Variants in AMER3 observed in about 807,000 individuals in gnomAD.
AMER3 encodes the protein family with sequence similarity 123C.
For missense variants in AMER3, 1,201 were observed against 1,139.4 expected, an observed-to-expected ratio of 1.05 and a Z score of -0.78; for synonymous variants, 541 against 485.5, an observed-to-expected ratio of 1.11 and a Z score of -1.50.
At position 130,763,068 on chromosome 2, in the gene AMER3, C is replaced by G; in HGVS notation, c.996C>G (p.Pro332=). The change falls in exon 2 of 2, where the codon CCC becomes CCG. Residue 332 remains proline (P), a synonymous_variant. Transcript: ENST00000321420. ...RALLGPWLSG[P]QGTDRDQSRL... Reference sequence around the variant, plus strand: ...TCCTAGGCCCGTGGCTTTCAGGCCCCCAGGGGACAGACAGGGACCAATCCC... The same window carrying G: ...TCCTAGGCCCGTGGCTTTCAGGCCCGCAGGGGACAGACAGGGACCAATCCC... 1 of 1,613,430 alleles carries G rather than the reference C, an allele frequency of 6.2e-7. No individual in the cohort carries two copies. Among genetic ancestry groups the G allele is most frequent in the Non-Finnish European group, 8.5e-7 (1 of 1,180,002 alleles).
At chr2:130,758,134 A>AAAAAC (rs1291246496) in intron 1 of AMER3, among the ~76,000 whole-genome samples, 3 of 151,712 alleles carry the variant, frequency 2.0e-5, no homozygotes, top group Non-Finnish European at 4.4e-5. Context: ...ATTCCATCAA[A>AAAAAC]AAAACAAAAC....
In AMER3 at chr2:130,764,235, G is replaced by A. The variant is rs751542082; in HGVS notation, c.2163G>A (p.Gln721=). The change falls in exon 2 of 2, where the codon CAG becomes CAA. Residue 721 remains glutamine (Q), a synonymous_variant. Coordinates refer to ENST00000321420, the MANE Select transcript of AMER3 (RefSeq NM_152698.3). ...ARGPDMLEQK[Q]SSSSPSMTTI... Reference sequence around the variant, plus strand: ...GCCCTGACATGCTGGAGCAGAAACAGTCCAGCAGCTCCCCCAGCATGACCA... The same window carrying A: ...GCCCTGACATGCTGGAGCAGAAACAATCCAGCAGCTCCCCCAGCATGACCA... The A allele has an allele frequency of 9.3e-6, 15 of 1,610,314 alleles. No homozygotes were observed. The highest frequency in any genetic ancestry group is 1.2e-5 in the Non-Finnish European group (14 of 1,178,316).
chr2:130,764,666 T>A lies in AMER3; in HGVS notation c.*8T>A, dbSNP rs1393721427. The A allele has an allele frequency of 1.9e-6, 3 of 1,589,874 alleles. No individual in the cohort carries two copies. Among genetic ancestry groups the A allele is most frequent in the Admixed American group, 3.6e-5 (2 of 55,486 alleles). The stretch of plus-strand genomic sequence containing the variant: ...GCTGAGCCCCATCTGTAGGACAGGC[T>A]CACATGCACCAGGAACTGCATGTGT... On this transcript the variant is annotated 3_prime_UTR_variant, in exon 2 of 2. Transcript: ENST00000321420.
chr2:130,759,514 G>C (rs773392735), intron 1 of AMER3, among the ~76,000 whole-genome samples: 1 of 152,134 alleles, frequency 6.6e-6, no homozygotes, highest in Non-Finnish European at 1.5e-5. Context: ...ACATAGAAAA[G>C]AATAAGGGAA....
chr2:130,758,248 C>G (rs543093874), intron 1 of AMER3, among the ~76,000 whole-genome samples: 1 of 152,168 alleles, frequency 6.6e-6, no homozygotes, highest in South Asian at 2.1e-4. Flanking sequence ...CCTGTAGTCC[C>G]AGCTATTCAG....
rs796447015 is a variant in AMER3 at position 130,767,059 on chromosome 2, G to C, written c.*2401G>C. ...CGCCATTCCCCTTCAGGAAAACTTC[G>C]AATGGGGCTGTGGACCTCACTCCCC... On this transcript the variant is annotated 3_prime_UTR_variant, in exon 2 of 2. Transcript: ENST00000321420. 4 of 167,034 alleles carry C rather than the reference G, an allele frequency of 2.4e-5. No homozygotes were observed. Among genetic ancestry groups the C allele is most frequent in the Non-Finnish European group, 4.4e-5 (3 of 68,148 alleles). 10.3% of individuals were successfully genotyped at this position (167,034 alleles called of 1,614,324 possible).
chr2:130,755,545 A>T lies in AMER3; in HGVS notation c.-149A>T, dbSNP rs1574037093. The T allele has an allele frequency of 1.3e-5, 2 of 148,152 alleles. No homozygotes were observed. Among genetic ancestry groups the T allele is most frequent in the East Asian group, 4.0e-4 (2 of 5,016 alleles). The allele number at this position is 148,152 out of a possible 1,614,324, so 9.2% of individuals were successfully genotyped here. A position where few individuals can be genotyped will look rare whatever the true frequency, so the allele number is the denominator to read the frequency against. ...GAGCCTTCCTGGAGTTACTTAATCCACCCCAGCCCCAGGCACTGAACCACG... is the reference window on the plus strand; with the variant it reads ...GAGCCTTCCTGGAGTTACTTAATCCTCCCCAGCCCCAGGCACTGAACCACG... On this transcript the variant is annotated 5_prime_UTR_variant, in exon 1 of 2. Coordinates refer to ENST00000321420, the MANE Select transcript of AMER3 (RefSeq NM_152698.3).
At position 130,764,762 on chromosome 2, in the gene AMER3, TGGGGGTG is replaced by T; in HGVS notation, c.*113_*119del. The T allele has an allele frequency of 1.8e-6, 2 of 1,121,224 alleles. No individual in the cohort carries two copies. Among genetic ancestry groups the T allele is most frequent in the East Asian group, 3.1e-5 (1 of 32,260 alleles). The allele number at this position is 1,121,224 out of a possible 1,614,324, so 69.5% of individuals were successfully genotyped here. On this transcript the variant is annotated 3_prime_UTR_variant, in exon 2 of 2. Coordinates refer to ENST00000321420, the MANE Select transcript of AMER3 (RefSeq NM_152698.3). ...TTTGTCCCTGATGTGGGGACTGTGT[TGGGGGTG>T]GGGGGTGGCAGGACTCAGGCATGCA...
rs768616686 is a variant in AMER3 at position 130,764,629 on chromosome 2, G to A, written c.2557G>A (p.Gly853Arg). The change falls in exon 2 of 2, where the codon GGG becomes AGG. Residue 853 changes from glycine (G) to arginine (R), a missense_variant. Physicochemically the swap from Gly to Arg is moderately radical, Grantham distance 125. Coordinates refer to ENST00000321420, the MANE Select transcript of AMER3 (RefSeq NM_152698.3). Reference sequence around the variant, plus strand: ...TGGCCAGCCAGAAGTGGGGGCCTCTGGGCCAGCCATGGCTGAGCCCCATCT... The same window carrying A: ...TGGCCAGCCAGAAGTGGGGGCCTCTAGGCCAGCCATGGCTGAGCCCCATCT... ...LCGQPEVGAS[G>R]PAMAEPHL The A allele has an allele frequency of 6.2e-7, 1 of 1,607,954 alleles. No individual in the cohort carries two copies. Among genetic ancestry groups the A allele is most frequent in the Non-Finnish European group, 8.5e-7 (1 of 1,178,580 alleles).
chr2:130,755,867 G>GCTGGGCTGGCTCT, intron 1 of AMER3, 193 bp downstream of exon 1: 1 of 152,350 alleles, frequency 6.6e-6, no homozygotes, highest in East Asian at 1.9e-4. Context: ...GGTCGGCAGG[G>GCTGGGCTGGCTCT]CTGGGCTGGC....
At position 130,762,660 on chromosome 2, in the gene AMER3, G is replaced by A; in HGVS notation, c.588G>A (p.Arg196=). Residue 196 remains arginine (R), a synonymous_variant, in exon 2 of 2, where the codon CGG becomes CGA. Transcript: ENST00000321420. ...GGGACCCGTCAGACCCTGGGGGGCG[G>A]CGAAGCAAAGCCTTCCTCCCCCCGG... ...SPGDPSDPGG[R]RSKAFLPPGE... is the part of the protein sequence containing the mutation. 6.2e-7 allele frequency: 1 copy of A among 1,610,786 alleles called. No homozygotes were observed. The highest frequency in any genetic ancestry group is 1.1e-5 in the South Asian group (1 of 91,038).
In AMER3 at chr2:130,757,016, G is replaced by C. The variant is rs1391855113; in HGVS notation, c.-20+1342G>C. ...CACTGCTGTGACTTTCCTGCATACCGGGGAAGGCATAGAAAATACCAAAAC... is the reference window on the plus strand; with the variant it reads ...CACTGCTGTGACTTTCCTGCATACCCGGGAAGGCATAGAAAATACCAAAAC... On this transcript the variant is annotated intron_variant, in intron 1 of 1. Coordinates refer to ENST00000321420, the MANE Select transcript of AMER3 (RefSeq NM_152698.3). Among the ~76,000 whole-genome samples, 3 of 152,062 alleles carry C rather than the reference G, an allele frequency of 2.0e-5. 1 individual carries two copies. The South Asian group carries it at 6.2e-4, about 32-fold the overall frequency.
At chr2:130,757,645 C>A (rs544084268) in intron 1 of AMER3, among the ~76,000 whole-genome samples, 1 of 152,322 alleles carries the variant, frequency 6.6e-6, no homozygotes, top group East Asian at 1.9e-4. Context: ...GTTCTCTCTG[C>A]CTGGAATATG....
intron 1 of AMER3, among the ~76,000 whole-genome samples, chr2:130,757,418 T>C (rs1678644998): frequency 6.6e-6 from 1 of 151,458 alleles, no homozygotes; most frequent in Non-Finnish European, 1.5e-5. Context: ...CACCTGCATC[T>C]TTGAAAGTGA....
Position 130,766,983 on chromosome 2 carries a change from T to A in AMER3, c.*2325T>A, listed in dbSNP as rs1679000913. On this transcript the variant is annotated 3_prime_UTR_variant, in exon 2 of 2. Transcript: ENST00000321420. The stretch of plus-strand genomic sequence containing the variant: ...GAAGCCAATGGATTCTCCTCGGCTC[T>A]GCCTGCAAGTAACAAAGGCTTTTGA... 1 of 167,144 alleles carries A rather than the reference T, an allele frequency of 6.0e-6. No individual in the cohort carries two copies. Among genetic ancestry groups the A allele is most frequent in the South Asian group, 2.1e-4 (1 of 4,826 alleles). The allele number at this position is 167,144 out of a possible 1,614,324, so 10.4% of individuals were successfully genotyped here.
At chr2:130,757,792 G>A (rs1443966554) in intron 1 of AMER3, among the ~76,000 whole-genome samples, 1 of 152,204 alleles carries the variant, frequency 6.6e-6, no homozygotes, top group Non-Finnish European at 1.5e-5. Context: ...TCGTCTTAGA[G>A]ATGAAAGACT....
In AMER3 at chr2:130,765,446, A is replaced by G. The variant is rs1317914233; in HGVS notation, c.*788A>G. 2 of 167,046 alleles carry G rather than the reference A, an allele frequency of 1.2e-5. No homozygotes were observed. The highest frequency in any genetic ancestry group is 2.1e-4 in the South Asian group (1 of 4,838). The allele number at this position is 167,046 out of a possible 1,614,324, so 10.3% of individuals were successfully genotyped here. On this transcript the variant is annotated 3_prime_UTR_variant, in exon 2 of 2. Coordinates refer to ENST00000321420, the MANE Select transcript of AMER3 (RefSeq NM_152698.3). ...CAACCTAAGTCTTTTGACGAAGTCA[A>G]TCTATGATGCGTCACCACCACACAC...
chr2:130,763,422 G>T lies in AMER3; in HGVS notation c.1350G>T (p.Gly450=). The T allele has an allele frequency of 1.2e-6, 2 of 1,612,972 alleles. No homozygotes were observed. The highest frequency in any genetic ancestry group is 1.1e-5 in the South Asian group (1 of 91,078). The change falls in exon 2 of 2, where the codon GGG becomes GGT. Residue 450 remains glycine, a synonymous_variant. Coordinates refer to ENST00000321420, the MANE Select transcript of AMER3 (RefSeq NM_152698.3). ...TGTGCGTGTCTGAGAGTCTGTCAGG[G>T]CCGGCCCTGGGGACGCCACTGTCCA... ...DDLCVSESLS[G]PALGTPLSIC...
intron 1 of AMER3, among the ~76,000 whole-genome samples, chr2:130,761,305 GAC>G (rs1678775342): frequency 6.6e-6 from 1 of 152,202 alleles, no homozygotes; most frequent in Non-Finnish European, 1.5e-5. Flanking sequence ...ATTGAACTCA[GAC>G]CAGGCATCAG....
Sources: allele counts gnomAD v4.1 joint callset (sites outside exome capture counted in the v4.1 genomes callset), GRCh38; gene constraint gnomAD v4.1.1; transcripts MANE v1.5; gene names NCBI Gene and HGNC (gene_info 2026-07-23, HGNC 2026-07-21).